The following DNAAF11 variants were observed in gnomAD, a reference collection of about 807,000 sequenced individuals.
The protein encoded by DNAAF11 is leucine rich repeat containing 6.
DNAAF11 carries 45 observed loss-of-function variants against 60.8 expected under a neutral mutation model. That is an observed-to-expected ratio of 0.74 (90% CI 0.58 to 0.95). The LOEUF (loss-of-function observed/expected upper bound fraction) is 0.95, where lower values mean the gene tolerates loss of function less well. Ranked by LOEUF, DNAAF11 falls within the 40% of genes least tolerant of loss-of-function variation. DNAAF11 has a pLI of 0.00. For missense variants in DNAAF11, 546 were observed against 546.2 expected (o/e 1.00, Z 0.00); for synonymous variants, 191 against 183.5 (o/e 1.04, Z -0.33).
chr8:132,605,941 A>G (rs1171634148), intron 10 of DNAAF11, among the ~76,000 whole-genome samples: 1 of 148,876 alleles, frequency 6.7e-6, no homozygotes. Flanking sequence ...TCAGGGACAT[A>G]ATGGGGTCGG....
chr8:132,626,739 T>G (rs566729794), intron 5 of DNAAF11, among the ~76,000 whole-genome samples: 1 of 152,022 alleles, frequency 6.6e-6, no homozygotes, highest in South Asian at 2.1e-4. Flanking sequence ...TTAGATGACA[T>G]CAAATGAAAA....
At chr8:132,615,697 C>T (rs958946649) in intron 7 of DNAAF11, among the ~76,000 whole-genome samples, 10 of 152,138 alleles carry the variant, frequency 6.6e-5, no homozygotes, top group Admixed American at 5.9e-4. Context: ...TTTCTCTGCA[C>T]GAGCCTGGCT....
At chr8:132,619,249 G>A (rs1293886209) in intron 7 of DNAAF11, among the ~76,000 whole-genome samples, 9 of 149,580 alleles carry the variant, frequency 6.0e-5, no homozygotes, top group Non-Finnish European at 1.0e-4. Context: ...ATTGAACAAT[G>A]AGAACACATG....
chr8:132,572,498 G>C lies in DNAAF11; in HGVS notation c.1227-18C>G. The stretch of plus-strand genomic sequence containing the variant: ...GCTTGCTTCTATAACAACAAAAAAA[G>C]ACAAACAGAAACTGATACTACATCA... On this transcript the variant is annotated intron_variant, in intron 11 of 11. Transcript: ENST00000620350. The C allele has an allele frequency of 1.9e-6, 3 of 1,561,544 alleles. No homozygotes were observed. Among genetic ancestry groups the C allele is most frequent in the Non-Finnish European group, 8.7e-7 (1 of 1,153,402 alleles).
At chr8:132,662,866 C>T (rs1231656863) in intron 1 of DNAAF11, among the ~76,000 whole-genome samples, 3 of 152,206 alleles carry the variant, frequency 2.0e-5, no homozygotes, top group Non-Finnish European at 4.4e-5. Context: ...TACCACACCT[C>T]TATGTCACAT....
chr8:132,600,222 G>C (rs1817465781), intron 10 of DNAAF11, among the ~76,000 whole-genome samples: 1 of 152,154 alleles, frequency 6.6e-6, no homozygotes, highest in African/African-American at 2.4e-5. Context: ...CAAGGGATGT[G>C]AAGGACCTCT....
chr8:132,618,992 T>G (rs995557214), intron 7 of DNAAF11, among the ~76,000 whole-genome samples: 1 of 152,132 alleles, frequency 6.6e-6, no homozygotes, highest in African/African-American at 2.4e-5. Flanking sequence ...TAAAGACACA[T>G]GCACACGTAT....
chr8:132,602,009 C>A (rs1366721977), intron 10 of DNAAF11, among the ~76,000 whole-genome samples: 2 of 151,998 alleles, frequency 1.3e-5, no homozygotes, highest in Non-Finnish European at 2.9e-5. Context: ...TCACTCTATT[C>A]TATGTGTTCT....
At chr8:132,606,380 G>T (rs1818136598) in intron 10 of DNAAF11, among the ~76,000 whole-genome samples, 1 of 152,214 alleles carries the variant, frequency 6.6e-6, no homozygotes, top group South Asian at 2.1e-4. Context: ...GCAGAAGACA[G>T]TGATACTGAT....
At chr8:132,629,012 A>C (rs1820544975) in intron 5 of DNAAF11, among the ~76,000 whole-genome samples, 1 of 152,242 alleles carries the variant, frequency 6.6e-6, no homozygotes, top group African/African-American at 2.4e-5. Flanking sequence ...AAATATTAGC[A>C]AAATCAATGG....
At chr8:132,632,478 A>G (rs988680444) in intron 5 of DNAAF11, among the ~76,000 whole-genome samples, 1 of 152,206 alleles carries the variant, frequency 6.6e-6, no homozygotes, top group African/African-American at 2.4e-5. Context: ...TTCTGTACAC[A>G]TTTTACGGAT....
At chr8:132,588,255 A>G (rs1358370846) in intron 10 of DNAAF11, among the ~76,000 whole-genome samples, 1 of 152,258 alleles carries the variant, frequency 6.6e-6, no homozygotes, top group Non-Finnish European at 1.5e-5. Context: ...AGAGGGAATG[A>G]ACAAAGGAAA....
upstream of DNAAF11, among the ~76,000 whole-genome samples, chr8:132,676,160 C>T (rs1264618984): frequency 6.6e-6 from 1 of 152,162 alleles, no homozygotes; most frequent in East Asian, 1.9e-4. Context: ...AAACGCCACC[C>T]ATTACCCCCT....
intron 3 of DNAAF11, among the ~76,000 whole-genome samples, chr8:132,651,047 C>T (rs1384334324): frequency 2.6e-5 from 4 of 152,162 alleles, no homozygotes; most frequent in African/African-American, 7.2e-5. Context: ...CTCTGGAGTT[C>T]GGCACTGCTT....
At chr8:132,643,178 A>G (rs1249655000) in intron 3 of DNAAF11, among the ~76,000 whole-genome samples, 1 of 152,168 alleles carries the variant, frequency 6.6e-6, no homozygotes, top group South Asian at 2.1e-4. Context: ...AACAGGCCAG[A>G]GGTATCGGTT....
the DNAAF11 span, among the ~76,000 whole-genome samples, chr8:132,689,535 T>G: frequency 6.6e-6 from 1 of 152,260 alleles, no homozygotes; most frequent in Admixed American, 6.5e-5. Flanking sequence ...TTGTTTCTTG[T>G]GTATCTTCCA....
At chr8:132,675,886 T>A (rs564638551), upstream of DNAAF11, among the ~76,000 whole-genome samples, 14 of 152,308 alleles carry the variant, frequency 9.2e-5, no homozygotes, top group Non-Finnish European at 1.9e-4. Flanking sequence ...TGTGTTTGAT[T>A]TACAGCTTCC....
chr8:132,605,458 T>C (rs1358505679), intron 10 of DNAAF11, among the ~76,000 whole-genome samples: 3 of 152,166 alleles, frequency 2.0e-5, no homozygotes, highest in African/African-American at 4.8e-5. Flanking sequence ...ATGTTCTAAA[T>C]ATTAAAATGT....
intron 3 of DNAAF11, among the ~76,000 whole-genome samples, chr8:132,652,061 G>A (rs1823071045): frequency 6.6e-6 from 1 of 152,222 alleles, no homozygotes. Flanking sequence ...TTTTACCCTA[G>A]TAGGCAAATA....
Sources: gnomAD v4.1 joint callset for allele counts (sites outside exome capture counted in the v4.1 genomes callset) on GRCh38, gnomAD v4.1.1 for gene constraint, MANE v1.5 for transcripts, NCBI Gene and HGNC (gene_info 2026-07-23, HGNC 2026-07-21) for gene names.